The following FRRS1 variants were observed in gnomAD, a reference collection of about 807,000 sequenced individuals.
FRRS1 encodes the protein ferric reductase 1.
In FRRS1, 51 loss-of-function variants were observed where a neutral mutation model predicts 70.7. That is an observed-to-expected ratio of 0.72 (90% confidence interval 0.58 to 0.91). The LOEUF (loss-of-function observed/expected upper bound fraction) is 0.91, where lower values mean the gene tolerates loss of function less well. FRRS1 is among the 40% of genes least tolerant of loss of function. The probability of loss-of-function intolerance (pLI) is 0.00; values close to 1 mark genes in which losing one functional copy is unlikely to be tolerated. For synonymous variants in FRRS1, 225 were observed against 238.7 expected (o/e 0.94, Z 0.53); for missense variants, 672 against 726.0 (o/e 0.93, Z 0.86).
intron 6 of FRRS1, among the ~76,000 whole-genome samples, chr1:99,739,585 T>G (rs1010597430): frequency 6.4e-4 from 98 of 152,302 alleles, no homozygotes; most frequent in African/African-American, 2.3e-3. Context: ...AGCGCATTAC[T>G]TTGTCTTCTC....
chr1:99,724,083 G>A (rs978761875), intron 9 of FRRS1, among the ~76,000 whole-genome samples: 1 of 152,180 alleles, frequency 6.6e-6, no homozygotes, highest in Admixed American at 6.5e-5. Flanking sequence ...TGAGAGACAA[G>A]TTGGAAGAAA....
intron 7 of FRRS1, among the ~76,000 whole-genome samples, chr1:99,731,659 T>C (rs1490542342): frequency 1.3e-5 from 2 of 152,222 alleles, no homozygotes; most frequent in Non-Finnish European, 2.9e-5. Flanking sequence ...TGAAATTCAA[T>C]GTCCATGTTT....
At chr1:99,756,700 A>G (rs1000152920) in intron 1 of FRRS1, among the ~76,000 whole-genome samples, 1 of 152,176 alleles carries the variant, frequency 6.6e-6, no homozygotes, top group Admixed American at 6.5e-5. Context: ...GTATTGTGCA[A>G]CTCTAAGAAC....
chr1:99,723,474 C>T (rs1474874681), intron 9 of FRRS1, among the ~76,000 whole-genome samples: 1 of 152,058 alleles, frequency 6.6e-6, no homozygotes, highest in South Asian at 2.1e-4. Context: ...AGTGATTGCA[C>T]CACTGCACTC....
intron 4 of FRRS1, among the ~76,000 whole-genome samples, chr1:99,744,969 C>CAAAAAAAAAA (rs71075450): frequency 3.3e-5 from 3 of 91,746 alleles, no homozygotes; most frequent in Non-Finnish European, 2.1e-5. Context: ...GACTCCGTCT[C>CAAAAAAAAAA]AAAAAAAAAA....
chr1:99,722,593 T>C (rs372789195), intron 9 of FRRS1, among the ~76,000 whole-genome samples: 3 of 152,202 alleles, frequency 2.0e-5, no homozygotes, highest in African/African-American at 7.2e-5. Flanking sequence ...ATTAAAGTAA[T>C]GATAAAATAT....
intron 15 of FRRS1, 124 bp downstream of exon 15, chr1:99,710,682 A>T (rs1654231109): frequency 2.8e-6 from 2 of 723,540 alleles, no homozygotes; most frequent in South Asian, 4.7e-5. Flanking sequence ...GCACTGGCTG[A>T]GTGATCACAA....
intron 4 of FRRS1, 25 bp from the exon 5 acceptor site, chr1:99,742,298 CCATTCAGTCA>C: frequency 7.1e-7 from 1 of 1,411,666 alleles, no homozygotes; most frequent in Non-Finnish European, 1.0e-6. Flanking sequence ...AAAAGAGCTA[CCATTCAGTCA>C]CTCAATAGCT....
chr1:99,761,262 G>A (rs760810028), intron 1 of FRRS1, among the ~76,000 whole-genome samples: 5 of 151,898 alleles, frequency 3.3e-5, no homozygotes, highest in Non-Finnish European at 5.9e-5. Context: ...AAGTAGCTGG[G>A]ACCACAGGTG....
At chr1:99,725,944 A>C (rs1193116165) in intron 9 of FRRS1, among the ~76,000 whole-genome samples, 2 of 152,252 alleles carry the variant, frequency 1.3e-5, no homozygotes, top group Non-Finnish European at 2.9e-5. Flanking sequence ...GCAATTTAAG[A>C]AATCCATTTG....
In FRRS1 at chr1:99,708,889, A is replaced by G. The variant is rs900607627; in HGVS notation, c.*139T>C. On this transcript the variant is annotated 3_prime_UTR_variant, in exon 17 of 17. Transcript: ENST00000646001. ...TGTTGTTCTCTAAAGGCTGGACTTC[A>G]GAATTCCTCTACAGACATGACCCCA... 3.1e-6 allele frequency: 5 copies of G among 1,599,026 alleles called. No individual in the cohort carries two copies. The highest frequency in any genetic ancestry group is 1.7e-4 in the Middle Eastern group (1 of 6,056).
At position 99,707,430 on chromosome 1, in the gene FRRS1, C is replaced by G. The variant is rs1654063801; in HGVS notation, c.*1598G>C. ...CTAAATTTTTTATTTTAAAAATGCC[C>G]AGTTTATTTATTTGCTTTGCCTAAG... On this transcript the variant is annotated 3_prime_UTR_variant, in exon 17 of 17. Transcript: ENST00000646001. Among the ~76,000 whole-genome samples the G allele has an allele frequency of 6.6e-6, 1 of 151,954 alleles. No individual in the cohort carries two copies. Among genetic ancestry groups the G allele is most frequent in the South Asian group, 2.1e-4 (1 of 4,812 alleles).
chr1:99,728,410 C>T, intron 9 of FRRS1, 83 bp downstream of exon 9: 1 of 1,147,654 alleles, frequency 8.7e-7, no homozygotes, highest in Non-Finnish European at 1.2e-6. Context: ...CGGGCAATTA[C>T]AGTAGTTTTT....
At chr1:99,754,507 A>AAGAG (rs60311161) in intron 1 of FRRS1, among the ~76,000 whole-genome samples, 1 of 149,482 alleles carries the variant, frequency 6.7e-6, no homozygotes, top group Non-Finnish European at 1.5e-5. Context: ...GAGAGAGAGA[A>AAGAG]AGAGAGAGAG....
intron 5 of FRRS1, among the ~76,000 whole-genome samples, chr1:99,741,143 T>C (rs1169965157): frequency 1.3e-5 from 2 of 152,244 alleles, no homozygotes; most frequent in African/African-American, 4.8e-5. Flanking sequence ...TTTCTCTCCC[T>C]CTGTCCCTCT....
chr1:99,710,889 GTT>G lies in FRRS1; in HGVS notation c.1539_1540del (p.Lys513AsnfsTer15), dbSNP rs756835577. 26 of 1,613,722 alleles carry G rather than the reference GTT, an allele frequency of 1.6e-5. No homozygotes were observed. The highest frequency in any genetic ancestry group is 1.7e-6 in the Non-Finnish European group (2 of 1,179,826). Reference sequence around the variant, plus strand: ...GGCTACGAATCCGGTCATTGCATAGGTTTTCCATGAATCAGGAAGATTCAGTC... The same window carrying G: ...GGCTACGAATCCGGTCATTGCATAGGTTCCATGAATCAGGAAGATTCAGTC... On this transcript the variant is annotated frameshift_variant, in exon 15 of 17. Transcript: ENST00000646001. LOFTEE classifies it high-confidence loss of function.
intron 4 of FRRS1, among the ~76,000 whole-genome samples, chr1:99,743,363 T>C (rs1571139140): frequency 6.6e-6 from 1 of 152,192 alleles, no homozygotes; most frequent in Non-Finnish European, 1.5e-5. Flanking sequence ...GGTCCACTTA[T>C]ATACAGATTT....
chr1:99,742,635 A>G (rs932926206), intron 4 of FRRS1, among the ~76,000 whole-genome samples: 11 of 152,222 alleles, frequency 7.2e-5, no homozygotes, highest in African/African-American at 2.7e-4. Context: ...AAAGAGAAAA[A>G]TTTCCTGCCT....
chr1:99,718,219 A>AC (rs1448066768), intron 10 of FRRS1, among the ~76,000 whole-genome samples: 5 of 152,234 alleles, frequency 3.3e-5, no homozygotes, highest in African/African-American at 1.2e-4. Context: ...TATACCCTAC[A>AC]CTACTCCCAT....
Sources: gnomAD v4.1 joint callset for allele counts (sites outside exome capture counted in the v4.1 genomes callset) on GRCh38, gnomAD v4.1.1 for gene constraint, MANE v1.5 for transcripts, NCBI Gene and HGNC (gene_info 2026-07-23, HGNC 2026-07-21) for gene names.